The following BNIP1 variants were observed in gnomAD, a reference collection of about 807,000 sequenced individuals.
The protein encoded by BNIP1 is BCL2 interacting protein 1.
Under a neutral mutation model 28.5 loss-of-function variants are expected in BNIP1, and 25 were observed. That is an observed-to-expected ratio of 0.88 (90% CI 0.64 to 1.23). BNIP1 has a LOEUF of 1.23. BNIP1 is among the 50% of genes most tolerant of loss of function. BNIP1 has a pLI of 0.00. For missense variants in BNIP1, 276 were observed against 277.0 expected (o/e 1.00, Z 0.02); for synonymous variants, 118 against 101.7 (o/e 1.16, Z -0.96).
chr5:173,161,761 ATTTC>A (rs1280002030), intron 5 of BNIP1: 1 of 152,186 alleles, frequency 6.6e-6, no homozygotes, highest in African/African-American at 2.4e-5. Flanking sequence ...GGGGAGCAGG[ATTTC>A]AGAGGTTGGT....
chr5:173,151,779 C>T (rs574160124), intron 2 of BNIP1: 138 of 1,570,752 alleles, frequency 8.8e-5, no homozygotes, highest in South Asian at 2.1e-4. Context: ...CTCACCAATA[C>T]GTGTACATTT....
chr5:173,146,329 G>T (rs974351896), intron 1 of BNIP1, among the ~76,000 whole-genome samples: 2 of 152,236 alleles, frequency 1.3e-5, no homozygotes, highest in Non-Finnish European at 2.9e-5. Flanking sequence ...TGCCGTGAAA[G>T]CTGGCACCAG....
intron 2 of BNIP1, among the ~76,000 whole-genome samples, chr5:173,150,076 G>C (rs547337211): frequency 6.6e-6 from 1 of 152,230 alleles, no homozygotes; most frequent in East Asian, 1.9e-4. Context: ...TAGTCAACAT[G>C]GTCAACCTCC....
intron 1 of BNIP1, 78 bp downstream of exon 1, chr5:173,144,707 C>T (rs917682204): frequency 1.4e-6 from 2 of 1,471,702 alleles, no homozygotes; most frequent in Non-Finnish European, 9.3e-7. Flanking sequence ...GGCAGTGTCA[C>T]TCCCGAACTT....
In BNIP1 at chr5:173,154,305, A is replaced by G. The variant is rs2113849244; in HGVS notation, c.178-17A>G. 6.2e-7 allele frequency: 1 copy of G among 1,604,912 alleles called. No homozygotes were observed. The highest frequency in any genetic ancestry group is 8.5e-7 in the Non-Finnish European group (1 of 1,174,794). ...ACTTTTGAAATCATTTTAACATGGAATTATTTTTCCTCAAAGGACCTGGAG... is the reference window on the plus strand; with the variant it reads ...ACTTTTGAAATCATTTTAACATGGAGTTATTTTTCCTCAAAGGACCTGGAG... On this transcript the variant is annotated splice_polypyrimidine_tract_variant and intron_variant, in intron 2 of 5. Coordinates refer to ENST00000351486, the MANE Select transcript of BNIP1 (RefSeq NM_001205.3).
At chr5:173,160,889 A>G in intron 5 of BNIP1, 1 of 456,244 alleles carries the variant, frequency 2.2e-6, no homozygotes, top group Non-Finnish European at 4.4e-6. Flanking sequence ...GGTTTCCTCC[A>G]ATAGTTTTCC....
intron 2 of BNIP1, among the ~76,000 whole-genome samples, chr5:173,151,081 T>C (rs1421206893): frequency 6.6e-6 from 1 of 152,182 alleles, no homozygotes; most frequent in East Asian, 1.9e-4. Flanking sequence ...GTGATCAGCC[T>C]GCCTCAGCCT....
chr5:173,155,060 G>T (rs1297894485), intron 3 of BNIP1, among the ~76,000 whole-genome samples: 1 of 152,120 alleles, frequency 6.6e-6, no homozygotes, highest in Non-Finnish European at 1.5e-5. Flanking sequence ...TCTACAGAAA[G>T]AAAACCTGCT....
chr5:173,156,199 A>G (rs922870507), intron 3 of BNIP1, among the ~76,000 whole-genome samples: 6 of 152,130 alleles, frequency 3.9e-5, no homozygotes, highest in Non-Finnish European at 7.4e-5. Context: ...TGAGCCACCA[A>G]GCCTACTCAG....
At chr5:173,160,239 CTTT>C (rs10693152) in intron 5 of BNIP1, among the ~76,000 whole-genome samples, 188 bp downstream of exon 5, 2 of 145,710 alleles carry the variant, frequency 1.4e-5, no homozygotes, top group South Asian at 2.2e-4. Context: ...TCCTATTTCT[CTTT>C]TTTTTTTTTG....
At chr5:173,160,219 G>A in intron 5 of BNIP1, among the ~76,000 whole-genome samples, 168 bp downstream of exon 5, 1 of 150,976 alleles carries the variant, frequency 6.6e-6, no homozygotes. Flanking sequence ...TCCAGTGTGG[G>A]ATGTGCTGCT....
intron 1 of BNIP1, chr5:173,144,858 C>G: frequency 2.0e-6 from 1 of 510,270 alleles, no homozygotes; most frequent in East Asian, 3.4e-5. Flanking sequence ...GAGCACCCCA[C>G]TGTTCTCCGC....
chr5:173,148,419 T>A (rs567065218), intron 2 of BNIP1, among the ~76,000 whole-genome samples: 1 of 152,108 alleles, frequency 6.6e-6, no homozygotes, highest in South Asian at 2.1e-4. Context: ...AAGGCTGCCA[T>A]CTGGGCATCC....
At chr5:173,162,878 A>T (rs1416927735) in intron 5 of BNIP1, among the ~76,000 whole-genome samples, 1 of 152,144 alleles carries the variant, frequency 6.6e-6, no homozygotes, top group Non-Finnish European at 1.5e-5. Context: ...CCAGTGTCTT[A>T]AAAAATATCT....
intron 3 of BNIP1, among the ~76,000 whole-genome samples, chr5:173,157,707 G>T (rs1006568719): frequency 6.6e-6 from 1 of 151,902 alleles, no homozygotes; most frequent in South Asian, 2.1e-4. Context: ...GAGCCACCAC[G>T]CCCGGTCAAC....
chr5:173,163,632 G>A, intron 5 of BNIP1, 93 bp from the exon 6 acceptor site: 2 of 1,188,124 alleles, frequency 1.7e-6, no homozygotes, highest in Admixed American at 2.5e-5. Flanking sequence ...ACTTGAGAAT[G>A]CTGGTTTTTA....
chr5:173,157,130 G>A (rs1246926531), intron 3 of BNIP1, among the ~76,000 whole-genome samples: 4 of 152,062 alleles, frequency 2.6e-5, no homozygotes, highest in Admixed American at 2.6e-4. Flanking sequence ...ATTCATCTCT[G>A]GATCCCAGGG....
intron 1 of BNIP1, among the ~76,000 whole-genome samples, chr5:173,146,145 C>A (rs184505738): frequency 5.3e-4 from 80 of 152,348 alleles, no homozygotes; most frequent in Non-Finnish European, 9.6e-4. Flanking sequence ...CGTTTTCCAG[C>A]AGCTCTGCTA....
chr5:173,161,331 G>A (rs1760355935), intron 5 of BNIP1: 2 of 153,538 alleles, frequency 1.3e-5, no homozygotes, highest in South Asian at 4.1e-4. Flanking sequence ...GTCACTCCTT[G>A]AGTTTGCAGC....
Sources: allele counts gnomAD v4.1 joint callset (sites outside exome capture counted in the v4.1 genomes callset), GRCh38; gene constraint gnomAD v4.1.1; transcripts MANE v1.5; gene names NCBI Gene and HGNC (gene_info 2026-07-23, HGNC 2026-07-21).